Variants in CRYZ observed in about 807,000 individuals in gnomAD.
The protein encoded by CRYZ is crystallin zeta.
Under a neutral mutation model 34.1 loss-of-function variants are expected in CRYZ, and 35 were observed. The observed-to-expected ratio is 1.03, with a 90% CI of 0.78 to 1.36. CRYZ has a LOEUF of 1.36. Ranked by LOEUF, CRYZ falls within the 40% of genes most tolerant of loss-of-function variation. The probability of loss-of-function intolerance (pLI) is 0.00; values close to 1 mark genes in which losing one functional copy is unlikely to be tolerated. For missense variants in CRYZ, 403 were observed against 391.8 expected (o/e 1.03, Z -0.24); for synonymous variants, 137 against 136.5 (o/e 1.00, Z -0.03).
At chr1:74,715,482 T>C (rs1647059097) in intron 4 of CRYZ, among the ~76,000 whole-genome samples, 1 of 151,960 alleles carries the variant, frequency 6.6e-6, no homozygotes, top group African/African-American at 2.4e-5. Context: ...TTATAGAACA[T>C]TATGCTCCAC....
Position 74,706,213 on chromosome 1 carries a change from A to T in CRYZ, c.*83T>A. On this transcript the variant is annotated 3_prime_UTR_variant, in exon 9 of 9. Transcript: ENST00000340866. ...TAAGAAGCTCATGGAATCGAATGTT[A>T]ATTAAAGAAAAGATAGGGTAAGTAC... is the stretch of plus-strand genomic sequence containing the variant. 8.6e-7 allele frequency: 1 copy of T among 1,165,586 alleles called. No individual in the cohort carries two copies. Among genetic ancestry groups the T allele is most frequent in the Non-Finnish European group, 1.2e-6 (1 of 851,912 alleles). The allele number at this position is 1,165,586 out of a possible 1,614,324, so 72.2% of individuals were successfully genotyped here.
At chr1:74,715,799 C>G (rs752325321) in intron 4 of CRYZ, among the ~76,000 whole-genome samples, 4 of 152,032 alleles carry the variant, frequency 2.6e-5, no homozygotes, top group Non-Finnish European at 4.4e-5. Context: ...AGGCAAATCC[C>G]CTCCTGAATC....
intron 4 of CRYZ, among the ~76,000 whole-genome samples, chr1:74,716,341 G>T (rs1647075546): frequency 6.6e-6 from 1 of 152,084 alleles, no homozygotes; most frequent in Non-Finnish European, 1.5e-5. Flanking sequence ...ACATCCCGTT[G>T]TTTGTTTCTC....
At chr1:74,730,971 A>T (rs957896846) in intron 1 of CRYZ, among the ~76,000 whole-genome samples, 7 of 152,186 alleles carry the variant, frequency 4.6e-5, no homozygotes, top group Middle Eastern at 3.2e-3. Flanking sequence ...TTCTATTTTT[A>T]AAAATGTATA....
At chr1:74,724,449 A>C (rs979602021) in intron 2 of CRYZ, among the ~76,000 whole-genome samples, 2 of 152,244 alleles carry the variant, frequency 1.3e-5, no homozygotes, top group Non-Finnish European at 2.9e-5. Flanking sequence ...TCCATTCAGA[A>C]AAATCCAATT....
chr1:74,714,713 T>C, intron 4 of CRYZ, 83 bp from the exon 5 acceptor site: 2 of 1,428,288 alleles, frequency 1.4e-6, no homozygotes, highest in Non-Finnish European at 2.0e-6. Flanking sequence ...AAGGAATTTC[T>C]ACCCCTAGTC....
chr1:74,708,527 G>C (rs1646960796), intron 6 of CRYZ: 1 of 152,158 alleles, frequency 6.6e-6, no homozygotes, highest in Non-Finnish European at 1.5e-5. Context: ...AGTTATGGTG[G>C]TCAGTGGAAT....
chr1:74,714,948 C>G (rs897309192), intron 4 of CRYZ, among the ~76,000 whole-genome samples: 2 of 152,114 alleles, frequency 1.3e-5, no homozygotes, highest in African/African-American at 4.8e-5. Context: ...ATTGCTGAGC[C>G]TGGAGGATCT....
At chr1:74,715,976 C>T (rs1647067439) in intron 4 of CRYZ, among the ~76,000 whole-genome samples, 2 of 150,872 alleles carry the variant, frequency 1.3e-5, no homozygotes, top group African/African-American at 4.9e-5. Flanking sequence ...AGATGACCCT[C>T]TAGAATGTGG....
At chr1:74,718,614 T>C (rs575599858) in intron 4 of CRYZ, among the ~76,000 whole-genome samples, 36 of 152,206 alleles carry the variant, frequency 2.4e-4, no homozygotes, top group African/African-American at 7.5e-4. Flanking sequence ...TTTTTCCCCA[T>C]ACTATTCCCA....
chr1:74,731,199 C>T (rs1020806279), intron 1 of CRYZ, among the ~76,000 whole-genome samples: 1 of 151,970 alleles, frequency 6.6e-6, no homozygotes, highest in Admixed American at 6.6e-5. Flanking sequence ...ATCTAAAATC[C>T]CTCTTCCAAC....
chr1:74,710,030 ATAT>A, intron 6 of CRYZ, 65 bp downstream of exon 6: 2 of 1,398,754 alleles, frequency 1.4e-6, no homozygotes, highest in Non-Finnish European at 2.0e-6. Context: ...GGTTAAAAAC[ATAT>A]TAAAAAACCA....
chr1:74,732,083 A>G lies in CRYZ; in HGVS notation c.-14+873T>C, dbSNP rs576463728. Among the ~76,000 whole-genome samples the G allele has an allele frequency of 2.3e-3, 333 of 146,582 alleles. 1 individual carries two copies. The highest frequency in any genetic ancestry group is 3.6e-3 in the Non-Finnish European group (238 of 65,984). On this transcript the variant is annotated intron_variant, in intron 1 of 8. Coordinates refer to ENST00000340866, the MANE Select transcript of CRYZ (RefSeq NM_001889.4). ...GGAAGGGGCCCTACCTAGGAGAAGA[A>G]ATCAAATCCCCTACAGCTGGGCTGT...
At chr1:74,713,919 A>C (rs762113446) in intron 5 of CRYZ, among the ~76,000 whole-genome samples, 1 of 152,148 alleles carries the variant, frequency 6.6e-6, no homozygotes, top group Non-Finnish European at 1.5e-5. Context: ...TAAGCTCCTG[A>C]GAGGCAGATT....
At chr1:74,710,014 G>A in intron 6 of CRYZ, 84 bp downstream of exon 6, 1 of 1,129,552 alleles carries the variant, frequency 8.9e-7, no homozygotes, top group Non-Finnish European at 1.3e-6. Flanking sequence ...CTTTAAAGGA[G>A]TAGTTGGTTA....
At chr1:74,715,017 T>C (rs559853270) in intron 4 of CRYZ, among the ~76,000 whole-genome samples, 1 of 152,290 alleles carries the variant, frequency 6.6e-6, no homozygotes, top group South Asian at 2.1e-4. Flanking sequence ...GTTTATTATA[T>C]AGCTCAGTCT....
intron 5 of CRYZ, 85 bp from the exon 6 acceptor site, chr1:74,710,332 A>G: frequency 7.6e-7 from 1 of 1,315,258 alleles, no homozygotes; most frequent in Non-Finnish European, 1.0e-6. Context: ...TAAGATTCCT[A>G]TAGGACCCAC....
chr1:74,709,988 A>G, intron 6 of CRYZ, 110 bp downstream of exon 6: 1 of 861,948 alleles, frequency 1.2e-6, no homozygotes, highest in Non-Finnish European at 1.8e-6. Context: ...TCGCACTGAA[A>G]AAAGGAAGCA....
chr1:74,720,778 T>C lies in CRYZ; in HGVS notation c.265-1406A>G, dbSNP rs1397578473. ...TTGATTTCAATATAATTCAAACATT[T>C]ACTGCGAATATACTACATAGAAAGC... On this transcript the variant is annotated intron_variant, in intron 3 of 8. Transcript: ENST00000340866. 3.3e-5 allele frequency among the ~76,000 whole-genome samples: 5 copies of C among 152,276 alleles called. No individual in the cohort carries two copies. The East Asian group carries it at 9.6e-4, about 29-fold the overall frequency.
Sources: gnomAD v4.1 joint callset for allele counts (sites outside exome capture counted in the v4.1 genomes callset) on GRCh38, gnomAD v4.1.1 for gene constraint, MANE v1.5 for transcripts, NCBI Gene and HGNC (gene_info 2026-07-23, HGNC 2026-07-21) for gene names.